The following RIN2 variants were observed in gnomAD, a reference collection of about 807,000 sequenced individuals.
The protein encoded by RIN2 is RAB5 interacting protein 2.
In RIN2, 36 loss-of-function variants were observed where a neutral mutation model predicts 78.0. The observed-to-expected ratio is 0.46, with a 90% CI of 0.35 to 0.61. The LOEUF is 0.61. RIN2 is among the 20% of genes least tolerant of loss of function. The probability of loss-of-function intolerance (pLI) is 0.00; values close to 1 mark genes in which losing one functional copy is unlikely to be tolerated. For missense variants in RIN2, 1,087 were observed against 1,159.7 expected (o/e 0.94, Z 0.91); for synonymous variants, 466 against 466.8 (o/e 1.00, Z 0.02).
At chr20:19,876,077 C>G (rs1322651291) in intron 2 of RIN2, among the ~76,000 whole-genome samples, 2 of 152,176 alleles carry the variant, frequency 1.3e-5, no homozygotes, top group African/African-American at 4.8e-5. Context: ...AAAGTCTGCA[C>G]TGGAAGCTAA....
At chr20:19,801,049 G>T (rs2035226162) in intron 2 of RIN2, among the ~76,000 whole-genome samples, 1 of 152,142 alleles carries the variant, frequency 6.6e-6, no homozygotes, top group African/African-American at 2.4e-5. Context: ...GCAAACCCTT[G>T]CAGAGTAAGA....
intron 3 of RIN2, among the ~76,000 whole-genome samples, chr20:19,926,654 T>G (rs1034288104): frequency 3.3e-5 from 5 of 152,082 alleles, no homozygotes; most frequent in African/African-American, 1.2e-4. Flanking sequence ...GATTCCCGGA[T>G]TATAAATGCT....
rs35438191 is a variant in RIN2 at position 19,883,337 on chromosome 20, C to CT, written c.-36-6208dup. On this transcript the variant is annotated intron_variant, in intron 2 of 12. Transcript: ENST00000255006. Reference sequence around the variant, plus strand: ...AGCTTCCTACTCCAGAAAGAGAGGACTTTTTTTTTTTTTTTTTTTTTAGAC... The same window carrying CT: ...AGCTTCCTACTCCAGAAAGAGAGGACTTTTTTTTTTTTTTTTTTTTTTAGAC... 4.3e-3 allele frequency among the ~76,000 whole-genome samples: 511 copies of CT among 118,496 alleles called. 3 individuals carry two copies. The highest frequency in any genetic ancestry group is 0.012 in the African/African-American group (381 of 31,284). The allele number at this position is 118,496 out of a possible 152,430, so 77.7% of individuals were successfully genotyped here.
intron 2 of RIN2, among the ~76,000 whole-genome samples, chr20:19,822,437 G>C (rs1317840986): frequency 6.6e-6 from 1 of 152,158 alleles, no homozygotes. Flanking sequence ...AGAGACTCAG[G>C]AAGTAAGGAG....
intron 4 of RIN2, 25 bp downstream of exon 4, chr20:19,935,224 T>C (rs2040592352): frequency 6.4e-7 from 1 of 1,565,736 alleles, no homozygotes; most frequent in Non-Finnish European, 8.7e-7. Context: ...GGTTAGGTGA[T>C]GGGTGCGAGA....
At chr20:19,925,781 A>T (rs1391189266) in intron 3 of RIN2, among the ~76,000 whole-genome samples, 1 of 152,250 alleles carries the variant, frequency 6.6e-6, no homozygotes, top group Non-Finnish European at 1.5e-5. Flanking sequence ...TGGCAGGGGC[A>T]GTGCAGAAGG....
At chr20:19,825,585 C>T (rs757595498) in intron 2 of RIN2, among the ~76,000 whole-genome samples, 1 of 152,184 alleles carries the variant, frequency 6.6e-6, no homozygotes, top group Non-Finnish European at 1.5e-5. Context: ...CAAAATCCCA[C>T]CATAGGTGCT....
intron 2 of RIN2, among the ~76,000 whole-genome samples, chr20:19,853,834 G>C (rs901192826): frequency 7.3e-5 from 11 of 151,566 alleles, no homozygotes; most frequent in Admixed American, 3.3e-4. Context: ...TAGGTTGCCT[G>C]TTCACTCTGA....
intron 2 of RIN2, among the ~76,000 whole-genome samples, chr20:19,812,073 C>T (rs751480785): frequency 2.0e-4 from 26 of 131,152 alleles, no homozygotes; most frequent in Non-Finnish European, 3.6e-4. Context: ...TTTTTTTTAC[C>T]ACTGAATAGT....
intron 4 of RIN2, among the ~76,000 whole-genome samples, chr20:19,951,611 ATCCTATT>A (rs1310036722): frequency 6.6e-6 from 1 of 151,752 alleles, no homozygotes; most frequent in Non-Finnish European, 1.5e-5. Context: ...GACTATGACT[ATCCTATT>A]TCCTAAGTCT....
chr20:19,762,658 G>A (rs2033687812), intron 1 of RIN2, among the ~76,000 whole-genome samples: 1 of 152,198 alleles, frequency 6.6e-6, no homozygotes, highest in Non-Finnish European at 1.5e-5. Flanking sequence ...TGGGTCATTA[G>A]CCAAGCCGTG....
intron 2 of RIN2, among the ~76,000 whole-genome samples, chr20:19,815,625 G>A (rs1438785646): frequency 1.3e-5 from 2 of 152,148 alleles, no homozygotes; most frequent in East Asian, 1.9e-4. Flanking sequence ...GCATGTGTGT[G>A]GTTTTAATTT....
Position 20,001,040 on chromosome 20 carries a change from C to T in RIN2, c.*104C>T, listed in dbSNP as rs1331179100. 3 of 1,135,944 alleles carry T rather than the reference C, an allele frequency of 2.6e-6. No homozygotes were observed. In the Admixed American group the frequency reaches 7.4e-5, roughly 28 times the overall value. 70.4% of individuals were successfully genotyped at this position (1,135,944 alleles called of 1,614,324 possible). ...TGAAAAGCAGTCACCTCCTCGGGGA[C>T]CCCTCAGTGTAGTGACTAAGCCATC... On this transcript the variant is annotated 3_prime_UTR_variant, in exon 13 of 13. Coordinates refer to ENST00000255006, the MANE Select transcript of RIN2 (RefSeq NM_018993.4).
At chr20:19,996,091 G>C (rs2042952646) in intron 11 of RIN2, among the ~76,000 whole-genome samples, 1 of 152,154 alleles carries the variant, frequency 6.6e-6, no homozygotes, top group African/African-American at 2.4e-5. Flanking sequence ...GAGACAGGTG[G>C]ATCAGTTGAG....
intron 5 of RIN2, 81 bp from the exon 6 acceptor site, chr20:19,960,619 T>C: frequency 1.9e-6 from 2 of 1,031,912 alleles, no homozygotes; most frequent in Admixed American, 4.0e-5. Context: ...ATTCTATTCA[T>C]TGAGTGTGAG....
At chr20:19,889,151 G>A (rs1251442941) in intron 2 of RIN2, 5 of 985,304 alleles carry the variant, frequency 5.1e-6, no homozygotes, top group Non-Finnish European at 6.0e-6. Flanking sequence ...CCCCCTTCCA[G>A]CAGGATTTCC....
At chr20:19,914,816 A>G (rs1288121357) in intron 3 of RIN2, among the ~76,000 whole-genome samples, 1 of 152,198 alleles carries the variant, frequency 6.6e-6, no homozygotes, top group East Asian at 1.9e-4. Context: ...TTTGAGAAAC[A>G]CCAGTCTTGT....
intron 3 of RIN2, among the ~76,000 whole-genome samples, chr20:19,922,561 T>C (rs987125259): frequency 5.9e-5 from 9 of 152,164 alleles, no homozygotes; most frequent in Non-Finnish European, 1.2e-4. Context: ...TATGGAAACC[T>C]CGTCATCAAT....
At chr20:19,935,401 C>G (rs965974771) in intron 4 of RIN2, 15 of 1,330,784 alleles carry the variant, frequency 1.1e-5, no homozygotes, top group Non-Finnish European at 1.4e-5. Flanking sequence ...TTTGAAGGCA[C>G]TTGAACTTTA....
Sources: gnomAD v4.1 joint callset for allele counts (sites outside exome capture counted in the v4.1 genomes callset) on GRCh38, gnomAD v4.1.1 for gene constraint, MANE v1.5 for transcripts, NCBI Gene and HGNC (gene_info 2026-07-23, HGNC 2026-07-21) for gene names.